NXN: variants seen among roughly 807,000 people sequenced by gnomAD.
The protein encoded by NXN is nucleoredoxin.
Under a neutral mutation model 48.6 loss-of-function variants are expected in NXN, and 16 were observed. That is an observed-to-expected ratio of 0.33 (90% CI 0.22 to 0.50). The LOEUF is 0.50. NXN is among the 20% of genes least tolerant of loss of function. The pLI is 0.98. For synonymous variants in NXN, 281 were observed against 269.6 expected, an observed-to-expected ratio of 1.04 and a Z score of -0.41; for missense variants, 492 against 605.5, an observed-to-expected ratio of 0.81 and a Z score of 1.97.
chr17:885,612 G>A (rs1342783684), intron 1 of NXN, among the ~76,000 whole-genome samples: 1 of 91,168 alleles, frequency 1.1e-5, no homozygotes, highest in Non-Finnish European at 2.2e-5. Flanking sequence ...CCTTTTCTTT[G>A]CGCACACATG....
chr17:887,212 TG>T (rs71145785), intron 1 of NXN, among the ~76,000 whole-genome samples: 1 of 152,268 alleles, frequency 6.6e-6, no homozygotes, highest in East Asian at 1.9e-4. Flanking sequence ...CCACCGCGCC[TG>T]GCCTCAGTCT....
intron 1 of NXN, among the ~76,000 whole-genome samples, chr17:868,960 A>G (rs1217387510): frequency 4.6e-5 from 7 of 152,160 alleles, no homozygotes; most frequent in Non-Finnish European, 1.0e-4. Flanking sequence ...AAGACACAGA[A>G]AACACGGAGG....
At chr17:942,879 A>ATC (rs2068994570) in intron 1 of NXN, among the ~76,000 whole-genome samples, 1 of 23,706 alleles carries the variant, frequency 4.2e-5, no homozygotes, top group Non-Finnish European at 8.2e-5. Flanking sequence ...GAATTCACCA[A>ATC]ACACCTCCCT....
At chr17:929,212 C>A (rs1440905240) in intron 1 of NXN, among the ~76,000 whole-genome samples, 2 of 152,250 alleles carry the variant, frequency 1.3e-5, no homozygotes, top group African/African-American at 2.4e-5. Context: ...CGGCTTTCCC[C>A]GAGGGCTGGC....
In NXN at chr17:831,942, G is replaced by A. The variant is rs1055168677; in HGVS notation, c.361-5864C>T. ...TAGAAGAGATCCTCCTTACTCACAT[G>A]TATTATTAAGGGATCACTAGGATCT... On this transcript the variant is annotated intron_variant, in intron 1 of 7. Transcript: ENST00000336868. Among the ~76,000 whole-genome samples, 6 of 150,078 alleles carry A rather than the reference G, an allele frequency of 4.0e-5. No homozygotes were observed. The East Asian group carries it at 1.2e-3, about 29-fold the overall frequency.
At chr17:865,034 T>C (rs150528295) in intron 1 of NXN, among the ~76,000 whole-genome samples, 1 of 152,238 alleles carries the variant, frequency 6.6e-6, no homozygotes, top group African/African-American at 2.4e-5. Flanking sequence ...AATCAGGAGA[T>C]GGGACTAAAC....
At chr17:868,584 C>T (rs998455801) in intron 1 of NXN, among the ~76,000 whole-genome samples, 2 of 152,252 alleles carry the variant, frequency 1.3e-5, no homozygotes, top group African/African-American at 2.4e-5. Flanking sequence ...CTCCGCCTCC[C>T]GGGTTCACGC....
chr17:862,639 C>T (rs1350818313), intron 1 of NXN, among the ~76,000 whole-genome samples: 1 of 152,240 alleles, frequency 6.6e-6, no homozygotes, highest in Non-Finnish European at 1.5e-5. Flanking sequence ...TATCACACCA[C>T]TTACTGCTCG....
At position 823,765 on chromosome 17, in the gene NXN, C is replaced by G. The variant is rs780843462; in HGVS notation, c.479G>C (p.Gly160Ala). 6.2e-7 allele frequency: 1 copy of G among 1,614,104 alleles called. No individual in the cohort carries two copies. Among genetic ancestry groups the G allele is most frequent in the Non-Finnish European group, 8.5e-7 (1 of 1,180,018 alleles). The change falls in exon 3 of 8, where the codon GGT becomes GCT. Residue 160 changes from glycine to alanine, a missense_variant and splice_region_variant. Coordinates refer to ENST00000336868, the MANE Select transcript of NXN (RefSeq NM_022463.5). ...GLLVIRDDPE[G>A]LEFPWGPKPF... is the part of the protein sequence containing the mutation. ...TTTCGGTCCCCAGGGGAACTCCAGACCTGAAACAGAAAACAGATGGTAAAA... is the reference window on the plus strand; with the variant it reads ...TTTCGGTCCCCAGGGGAACTCCAGAGCTGAAACAGAAAACAGATGGTAAAA...
chr17:835,270 T>G (rs528594018), intron 1 of NXN, among the ~76,000 whole-genome samples: 1 of 146,724 alleles, frequency 6.8e-6, no homozygotes, highest in East Asian at 2.0e-4. Flanking sequence ...ATCGTGCCAC[T>G]GCACTCCAGC....
At chr17:934,189 T>A (rs2068882486) in intron 1 of NXN, among the ~76,000 whole-genome samples, 1 of 152,018 alleles carries the variant, frequency 6.6e-6, no homozygotes, top group South Asian at 2.1e-4. Flanking sequence ...CTCACGCCTG[T>A]AATCCCAGCA....
intron 1 of NXN, chr17:864,215 A>G: frequency 8.3e-7 from 1 of 1,208,416 alleles, no homozygotes; most frequent in Non-Finnish European, 1.1e-6. Context: ...CAGGATGGGC[A>G]TTCATGGTAC....
At chr17:964,597 C>T (rs1316586293) in intron 1 of NXN, among the ~76,000 whole-genome samples, 2 of 152,192 alleles carry the variant, frequency 1.3e-5, no homozygotes, top group Admixed American at 6.5e-5. Flanking sequence ...TGTCTGAAGG[C>T]ATTTACTTCC....
intron 1 of NXN, among the ~76,000 whole-genome samples, chr17:971,613 G>C (rs1226789506): frequency 6.6e-6 from 1 of 151,798 alleles, no homozygotes; most frequent in Admixed American, 6.6e-5. Flanking sequence ...GGGAGGCTGC[G>C]GCAGGAGAAT....
At chr17:812,813 T>G (rs979751258) in intron 5 of NXN, among the ~76,000 whole-genome samples, 7 of 145,314 alleles carry the variant, frequency 4.8e-5, no homozygotes, top group African/African-American at 5.1e-5. Context: ...TGAGTGTAGG[T>G]GTGTGTGCGA....
chr17:892,769 G>T (rs1398631014), intron 1 of NXN, among the ~76,000 whole-genome samples: 1 of 152,228 alleles, frequency 6.6e-6, no homozygotes, highest in East Asian at 1.9e-4. Flanking sequence ...TGAGACCAGT[G>T]AAACAATTCT....
At chr17:811,905 G>C (rs1156626943) in intron 5 of NXN, among the ~76,000 whole-genome samples, 1 of 150,400 alleles carries the variant, frequency 6.6e-6, no homozygotes, top group Non-Finnish European at 1.5e-5. Flanking sequence ...CGGGTTGTGC[G>C]GTTACCCAGT....
At chr17:901,007 A>G (rs1416378088) in intron 1 of NXN, among the ~76,000 whole-genome samples, 1 of 133,582 alleles carries the variant, frequency 7.5e-6, no homozygotes, top group African/African-American at 2.9e-5. Context: ...TGCAACCTCC[A>G]CCTCCCGGGT....
Position 836,569 on chromosome 17 carries a change from G to A in NXN, c.361-10491C>T, listed in dbSNP as rs147451269. On this transcript the variant is annotated intron_variant, in intron 1 of 7. Coordinates refer to ENST00000336868, the MANE Select transcript of NXN (RefSeq NM_022463.5). Reference sequence around the variant, plus strand: ...CCAGCCTCCAATGTCACACCAGGACGAACACTGAGGTTACTCAGCACAGGT... The same window carrying A: ...CCAGCCTCCAATGTCACACCAGGACAAACACTGAGGTTACTCAGCACAGGT... Among the ~76,000 whole-genome samples the A allele has an allele frequency of 2.0e-4, 31 of 152,242 alleles. No homozygotes were observed. In the East Asian group the frequency reaches 5.8e-3, roughly 28 times the overall value.
Sources: gnomAD v4.1 joint callset for allele counts (sites outside exome capture counted in the v4.1 genomes callset) on GRCh38, gnomAD v4.1.1 for gene constraint, MANE v1.5 for transcripts, NCBI Gene and HGNC (gene_info 2026-07-23, HGNC 2026-07-21) for gene names.